Variants in MTAP observed in about 807,000 individuals in gnomAD.
MTAP encodes S-methyl-5'-thioadenosine phosphorylase.
A neutral mutation model predicts 33.6 loss-of-function variants in MTAP; 33 were observed. That is an observed-to-expected ratio of 0.98 (90% CI 0.74 to 1.31). The LOEUF is 1.31. Among genes scored for constraint, MTAP ranks in the 40% most tolerant of loss-of-function variants. The pLI is 0.00. For missense variants in MTAP, 367 were observed against 360.0 expected, an observed-to-expected ratio of 1.02 and a Z score of -0.16; for synonymous variants, 148 against 125.7, an observed-to-expected ratio of 1.18 and a Z score of -1.19.
intron 5 of MTAP, among the ~76,000 whole-genome samples, chr9:21,853,793 AT>A (rs745990136): frequency 2.6e-5 from 4 of 152,166 alleles, no homozygotes; most frequent in Admixed American, 6.5e-5. Context: ...ATTATTCTCA[AT>A]TTACACTTGA....
At chr9:21,845,522 A>G (rs540903019) in intron 5 of MTAP, among the ~76,000 whole-genome samples, 3 of 152,216 alleles carry the variant, frequency 2.0e-5, no homozygotes, top group Non-Finnish European at 4.4e-5. Flanking sequence ...ATTATAGATA[A>G]TACAAAAAAA....
At chr9:21,869,935 C>T (rs1451777492), downstream of MTAP, among the ~76,000 whole-genome samples, 1 of 152,180 alleles carries the variant, frequency 6.6e-6, no homozygotes, top group Non-Finnish European at 1.5e-5. Flanking sequence ...ATGTGATTTG[C>T]ACTTGCCCTC....
At chr9:21,824,512 C>G (rs2118149042) in intron 4 of MTAP, among the ~76,000 whole-genome samples, 1 of 152,336 alleles carries the variant, frequency 6.6e-6, no homozygotes, top group South Asian at 2.1e-4. Context: ...GTCTGCCCTA[C>G]TGGGGGGTGC....
chr9:21,932,505 G>A (rs1375177161), downstream of MTAP: 1 of 152,140 alleles, frequency 6.6e-6, no homozygotes, highest in Non-Finnish European at 1.5e-5. Flanking sequence ...TGTCTTTTCA[G>A]GTTTTTTTGT....
downstream of MTAP, among the ~76,000 whole-genome samples, chr9:21,940,382 G>A (rs772641169): frequency 5.3e-5 from 8 of 152,138 alleles, 1 homozygote; most frequent in Non-Finnish European, 8.8e-5. Context: ...CAGTTTTACT[G>A]TGATTATTTT....
At chr9:21,929,671 C>T (rs938771270) in intron 1 of MTAP, 38 of 248,388 alleles carry the variant, frequency 1.5e-4, no homozygotes, top group African/African-American at 7.7e-4. Context: ...CATAGAGTTA[C>T]GTATTTCCTC....
chr9:21,870,593 A>G (rs1339644423), downstream of MTAP, among the ~76,000 whole-genome samples: 1 of 152,080 alleles, frequency 6.6e-6, no homozygotes, highest in Non-Finnish European at 1.5e-5. Flanking sequence ...ATTTTCTAGG[A>G]GCCACATTTA....
chr9:21,813,730 T>G (rs1032574346), intron 1 of MTAP: 2 of 152,048 alleles, frequency 1.3e-5, no homozygotes, highest in African/African-American at 4.8e-5. Context: ...TGGCTGAGAG[T>G]AATTTCAGAG....
chr9:21,874,908 T>C (rs776122025), intron 1 of MTAP, among the ~76,000 whole-genome samples: 1 of 152,120 alleles, frequency 6.6e-6, no homozygotes, highest in African/African-American at 2.4e-5. Context: ...TGTGTTCTTA[T>C]TGTTCAACTC....
downstream of MTAP, among the ~76,000 whole-genome samples, chr9:21,871,834 A>G (rs1825942578): frequency 6.6e-6 from 1 of 152,178 alleles, no homozygotes; most frequent in Admixed American, 6.5e-5. Context: ...ACCTCCCCAG[A>G]TAGTGAAAAC....
rs116916822 is a variant in MTAP, at chr9:21,835,144, C to T, written c.348-2764C>T. 7.5e-3 allele frequency among the ~76,000 whole-genome samples: 1,149 copies of T among 152,210 alleles called. 31 individuals are homozygous for T. Among genetic ancestry groups the T allele is most frequent in the East Asian group, 0.055 (282 of 5,168 alleles). ...GTGTCCTTACATGGTGGTAGAAGGG[C>T]GACCTAGCTCTCTGGGATCTCTTTT... On this transcript the variant is annotated intron_variant, in intron 4 of 7. Transcript: ENST00000644715.
At chr9:21,917,021 A>G (rs1587295791) in intron 1 of MTAP, among the ~76,000 whole-genome samples, 1 of 152,236 alleles carries the variant, frequency 6.6e-6, no homozygotes, top group Non-Finnish European at 1.5e-5. Flanking sequence ...AAGTAGAGCT[A>G]TAAGATTTAC....
At chr9:21,884,351 A>G (rs1818072306) in intron 1 of MTAP, among the ~76,000 whole-genome samples, 1 of 152,220 alleles carries the variant, frequency 6.6e-6, no homozygotes, top group Admixed American at 6.5e-5. Context: ...TGGTATACTT[A>G]TATGATGGAA....
downstream of MTAP, among the ~76,000 whole-genome samples, chr9:21,869,734 C>G (rs777807933): frequency 2.0e-5 from 3 of 152,150 alleles, no homozygotes; most frequent in Non-Finnish European, 4.4e-5. Flanking sequence ...ACTGACTATT[C>G]CTCATTACAG....
chr9:21,898,037 T>C (rs1477872409), intron 1 of MTAP, among the ~76,000 whole-genome samples: 2 of 152,116 alleles, frequency 1.3e-5, no homozygotes, highest in Non-Finnish European at 2.9e-5. Flanking sequence ...AACAGAGATA[T>C]AGACCAATGG....
intron 4 of MTAP, among the ~76,000 whole-genome samples, chr9:21,835,415 G>C (rs1825081240): frequency 6.6e-6 from 1 of 152,096 alleles, no homozygotes. Flanking sequence ...TATATTTCCT[G>C]TGTTTTCTCC....
In MTAP at chr9:21,815,518, A is replaced by G. The variant is rs760959805; in HGVS notation, c.119A>G (p.Lys40Arg). ...TEKYVDTPFG[K>R]PSDALILGKI... The stretch of plus-strand genomic sequence containing the variant: ...AAATATGTGGATACTCCATTTGGCA[A>G]GGTTAATATCCAACTTGTGGAGACA... Residue 40 changes from lysine to arginine, a missense_variant and splice_region_variant, in exon 2 of 8, where the codon AAG becomes AGG. Transcript: ENST00000644715. The G allele has an allele frequency of 3.1e-6, 5 of 1,601,404 alleles. No individual in the cohort carries two copies. Among genetic ancestry groups the G allele is most frequent in the Non-Finnish European group, 2.6e-6 (3 of 1,169,868 alleles).
intron 1 of MTAP, among the ~76,000 whole-genome samples, chr9:21,895,493 C>T (rs1006860114): frequency 3.3e-5 from 5 of 152,198 alleles, no homozygotes; most frequent in African/African-American, 1.2e-4. Flanking sequence ...GTGGGTGCAG[C>T]CCACAGAGCA....
chr9:21,810,832 G>T (rs932236730), intron 1 of MTAP, among the ~76,000 whole-genome samples: 1 of 152,142 alleles, frequency 6.6e-6, no homozygotes, highest in African/African-American at 2.4e-5. Context: ...GCCTACAGAG[G>T]GGGTGTCTTG....
Sources: gnomAD v4.1 joint callset for allele counts (sites outside exome capture counted in the v4.1 genomes callset) on GRCh38, gnomAD v4.1.1 for gene constraint, MANE v1.5 for transcripts, NCBI Gene and HGNC (gene_info 2026-07-23, HGNC 2026-07-21) for gene names.